Variants in SCUBE2 observed in about 807,000 individuals in gnomAD.
The protein encoded by SCUBE2 is signal peptide, CUB and EGF-like domain-containing protein 2.
In SCUBE2, 114 loss-of-function variants were observed where a neutral mutation model predicts 125.9. That is an observed-to-expected ratio of 0.91 (90% CI 0.78 to 1.06). SCUBE2 has a LOEUF of 1.06. Among genes scored for constraint, SCUBE2 ranks in the 50% least tolerant of loss-of-function variants. The pLI is 0.00. For missense variants in SCUBE2, 1,255 were observed against 1,301.8 expected, an observed-to-expected ratio of 0.96 and a Z score of 0.55; for synonymous variants, 459 against 492.9, an observed-to-expected ratio of 0.93 and a Z score of 0.91.
At chr11:9,088,610 A>G (rs1332019843) in intron 2 of SCUBE2, among the ~76,000 whole-genome samples, 1 of 152,252 alleles carries the variant, frequency 6.6e-6, no homozygotes, top group Non-Finnish European at 1.5e-5. Flanking sequence ...GCAAGTATTC[A>G]GAAGATCAAT....
At chr11:9,060,691 C>A (rs548506391) in intron 7 of SCUBE2, among the ~76,000 whole-genome samples, 167 bp from the exon 8 acceptor site, 37 of 152,268 alleles carry the variant, frequency 2.4e-4, no homozygotes, top group African/African-American at 8.4e-4. Flanking sequence ...CTCCCACCCC[C>A]CTAAATGAGT....
chr11:9,047,374 G>A lies in SCUBE2; in HGVS notation c.1984C>T (p.His662Tyr). The stretch of plus-strand genomic sequence containing the variant: ...CACTCACCACATTGGTTTTCTGCAT[G>A]ACCCTGGCCCACTCCACAGGACTCT... ...QAESCGVGQG[H>Y]AENQCVSCRA... is the part of the protein sequence containing the mutation. The change falls in exon 16 of 23, where the codon CAT (histidine) becomes TAT (tyrosine). Residue 662 changes from histidine (H) to tyrosine (Y), a missense_variant. By Grantham distance (83) the His-to-Tyr change is moderately conservative (BLOSUM62 2). Around this residue, in one of 3 missense-constraint regions of SCUBE2, gnomAD observed 515 missense variants for 515.7 expected, o/e 1.00. Transcript: ENST00000649792. 6.2e-7 allele frequency: 1 copy of A among 1,614,134 alleles called. No individual in the cohort carries two copies. The highest frequency in any genetic ancestry group is 1.1e-5 in the South Asian group (1 of 91,060).
intron 2 of SCUBE2, among the ~76,000 whole-genome samples, chr11:9,079,905 T>C (rs528191285): frequency 2.0e-5 from 3 of 152,280 alleles, no homozygotes; most frequent in South Asian, 2.1e-4. Flanking sequence ...TAAGAAGATA[T>C]AAAAACACAC....
rs1252682732 is a variant in SCUBE2, at chr11:9,059,445, G to A, written c.968-20C>T. 4 of 1,610,354 alleles carry A rather than the reference G, an allele frequency of 2.5e-6. No homozygotes were observed. The highest frequency in any genetic ancestry group is 1.7e-5 in the Admixed American group (1 of 59,914). ...CAATATCTGCAACAGGAAAGCATTG[G>A]GCATATCAGAGAGCAATACTTGCCT... On this transcript the variant is annotated intron_variant, in intron 8 of 22. Transcript: ENST00000649792.
At chr11:9,090,652 G>A (rs900268734) in intron 1 of SCUBE2, among the ~76,000 whole-genome samples, 2 of 151,832 alleles carry the variant, frequency 1.3e-5, no homozygotes, top group Non-Finnish European at 2.9e-5. Flanking sequence ...TGTCATCCAG[G>A]GCTCTCAGAT....
Position 9,075,868 on chromosome 11 carries a change from G to T in SCUBE2, c.383-1253C>A, listed in dbSNP as rs1299215088. Among the ~76,000 whole-genome samples the T allele has an allele frequency of 2.0e-5, 3 of 152,216 alleles. No homozygotes were observed. The East Asian group carries it at 5.8e-4, about 29-fold the overall frequency. ...GGGCTGGGAGCCTTGTGGGCTATGG[G>T]GTGGGCATCATTAGAGGATGGAAAG... On this transcript the variant is annotated intron_variant, in intron 3 of 22. Transcript: ENST00000649792.
intron 5 of SCUBE2, among the ~76,000 whole-genome samples, chr11:9,069,030 AG>A (rs1860521352): frequency 6.6e-6 from 1 of 152,214 alleles, no homozygotes; most frequent in South Asian, 2.1e-4. Flanking sequence ...TGAGGTTTAT[AG>A]GGGAAGCAGG....
intron 2 of SCUBE2, among the ~76,000 whole-genome samples, chr11:9,089,501 A>G (rs1862424631): frequency 6.6e-6 from 1 of 152,240 alleles, no homozygotes; most frequent in African/African-American, 2.4e-5. Context: ...TCAGAGCCAG[A>G]TAAAACTGTG....
intron 6 of SCUBE2, 96 bp downstream of exon 6, chr11:9,066,601 A>G: frequency 9.8e-7 from 1 of 1,020,094 alleles, no homozygotes; most frequent in Non-Finnish European, 1.5e-6. Context: ...AATGCACAGG[A>G]AACAGCCTGC....
rs1320734110 is a variant in SCUBE2, at chr11:9,029,891, C to T, written c.2496G>A (p.Gln832=). 3 of 1,614,052 alleles carry T rather than the reference C, an allele frequency of 1.9e-6. No individual in the cohort carries two copies. Among genetic ancestry groups the T allele is most frequent in the Non-Finnish European group, 2.5e-6 (3 of 1,180,034 alleles). Residue 832 remains glutamine, a synonymous_variant, in exon 19 of 23, where the codon CAG becomes CAA. Coordinates refer to ENST00000649792, the MANE Select transcript of SCUBE2 (RefSeq NM_001367977.2). ...CCTTAGAGAGGGACCTACTTTTACA[C>T]TGGGTTATGTTTGTGGAGCCATCAA... ...TDFDGSTNIT[Q]CKNRRCGGEL... is the part of the protein sequence containing the mutation.
intron 1 of SCUBE2, chr11:9,090,485 A>ATTTTT (rs71452502): frequency 8.4e-5 from 5 of 59,740 alleles, no homozygotes; most frequent in Admixed American, 2.6e-4. Flanking sequence ...TTATTTATTT[A>ATTTTT]TTTATTTTTT....
chr11:9,047,280 G>A (rs1413915611), intron 16 of SCUBE2, 76 bp downstream of exon 16: 1 of 1,482,786 alleles, frequency 6.7e-7, no homozygotes, highest in Non-Finnish European at 9.4e-7. Flanking sequence ...GGATGGGCCA[G>A]ACTTGCCTTC....
chr11:9,026,289 T>A (rs1855751624), intron 20 of SCUBE2: 1 of 157,166 alleles, frequency 6.4e-6, no homozygotes, highest in South Asian at 2.0e-4. Context: ...AATAGAGAGA[T>A]TAAATACTTG....
intron 5 of SCUBE2, 65 bp downstream of exon 5, chr11:9,069,305 G>A: frequency 1.3e-6 from 2 of 1,594,078 alleles, no homozygotes; most frequent in Non-Finnish European, 1.7e-6. Context: ...TCTGAGCTGG[G>A]CCACAGAAGG....
In SCUBE2 at chr11:9,091,384, C is replaced by T; in HGVS notation, c.133+12G>A. 4 of 1,311,612 alleles carry T rather than the reference C, an allele frequency of 3.0e-6. No homozygotes were observed. The highest frequency in any genetic ancestry group is 3.2e-5 in the East Asian group (1 of 30,902). 81.2% of individuals were successfully genotyped at this position (1,311,612 alleles called of 1,614,324 possible). ...TGCTGTGCCAGGTGCGCCCCCGCGG[C>T]CGGACACTCACCCTCCTGCGGCCCC... On this transcript the variant is annotated intron_variant, in intron 1 of 22. Coordinates refer to ENST00000649792, the MANE Select transcript of SCUBE2 (RefSeq NM_001367977.2). The surrounding 1 kb of genome is among the most constrained non-coding windows in gnomAD (Gnocchi z 8.5).
At chr11:9,025,546 G>T in intron 21 of SCUBE2, 156 bp downstream of exon 21, 1 of 741,408 alleles carries the variant, frequency 1.3e-6, no homozygotes, top group Non-Finnish European at 2.2e-6. Context: ...CCAAATGCCT[G>T]TTAAAATTTG....
chr11:9,087,611 CCTT>C (rs1230595927), intron 2 of SCUBE2, among the ~76,000 whole-genome samples: 8 of 152,304 alleles, frequency 5.3e-5, no homozygotes, highest in African/African-American at 1.9e-4. Context: ...CAGGACCACA[CCTT>C]CTCCAATGGG....
At position 9,027,509 on chromosome 11, in the gene SCUBE2, T is replaced by C. The variant is rs1312460593; in HGVS notation, c.2556A>G (p.Pro852=). The stretch of plus-strand genomic sequence containing the variant: ...TGGCTGGGTAATTGCCTGGGTAGTT[T>C]GGGGATTCAATGTACCCAGTGAAAT... ...LGDFTGYIES[P]NYPGNYPANT... The change falls in exon 20 of 23, where the codon CCA becomes CCG. Residue 852 remains proline, a synonymous_variant. Coordinates refer to ENST00000649792, the MANE Select transcript of SCUBE2 (RefSeq NM_001367977.2). 6.2e-7 allele frequency: 1 copy of C among 1,614,070 alleles called. No homozygotes were observed. The highest frequency in any genetic ancestry group is 2.2e-5 in the East Asian group (1 of 44,864).
chr11:9,064,480 A>AG (rs911029239), intron 7 of SCUBE2: 1 of 151,464 alleles, frequency 6.6e-6, no homozygotes, highest in African/African-American at 2.4e-5. Context: ...AAAAAAAAAA[A>AG]AAAGAAAAGA....
Sources: gnomAD v4.1 joint callset for allele counts (sites outside exome capture counted in the v4.1 genomes callset) on GRCh38, gnomAD v4.1.1 for gene constraint, gnomAD v4.1.1 regional missense constraint, Gnocchi (gnomAD v3.1) non-coding constraint, MANE v1.5 for transcripts, NCBI Gene and HGNC (gene_info 2026-07-23, HGNC 2026-07-21) for gene names.